FAM135B: variants seen among roughly 807,000 people sequenced by gnomAD.
FAM135B encodes family with sequence similarity 135 member B.
A neutral mutation model predicts 127.7 loss-of-function variants in FAM135B; 43 were observed. The ratio of observed to expected loss-of-function variants is 0.34; its 90% CI spans 0.26 to 0.43. The LOEUF (loss-of-function observed/expected upper bound fraction) is 0.43, where lower values mean the gene tolerates loss of function less well. FAM135B is among the 20% of genes least tolerant of loss of function. The pLI, the probability that FAM135B is intolerant of heterozygous loss-of-function variation, is 1.00. For synonymous variants in FAM135B, 670 were observed against 665.1 expected (o/e 1.01, Z -0.11); for missense variants, 1,558 against 1,725.6 (o/e 0.90, Z 1.72).
chr8:138,355,120 G>A (rs943231705), intron 2 of FAM135B, among the ~76,000 whole-genome samples: 1 of 152,004 alleles, frequency 6.6e-6, no homozygotes. Context: ...CACTGTTGGT[G>A]GGACTGTAAG....
intron 4 of FAM135B, among the ~76,000 whole-genome samples, chr8:138,265,354 T>C (rs534196030): frequency 2.0e-5 from 3 of 152,262 alleles, no homozygotes; most frequent in East Asian, 1.9e-4. Flanking sequence ...GGGTCCCACA[T>C]AGAGCCCTGC....
At chr8:138,161,462 G>C (rs991770096) in intron 12 of FAM135B, among the ~76,000 whole-genome samples, 1 of 151,852 alleles carries the variant, frequency 6.6e-6, no homozygotes, top group Non-Finnish European at 1.5e-5. Context: ...TGAAATAGTC[G>C]TGTGACATAT....
intron 3 of FAM135B, among the ~76,000 whole-genome samples, chr8:138,302,140 A>G (rs1470914523): frequency 6.6e-6 from 1 of 151,484 alleles, no homozygotes; most frequent in Non-Finnish European, 1.5e-5. Flanking sequence ...AAGTGTTATT[A>G]TTATTATTAT....
At chr8:138,448,454 T>C (rs1836316960) in intron 1 of FAM135B, among the ~76,000 whole-genome samples, 1 of 152,178 alleles carries the variant, frequency 6.6e-6, no homozygotes, top group Non-Finnish European at 1.5e-5. Flanking sequence ...GCTCACCAGA[T>C]TAGATCATAA....
At chr8:138,237,162 T>C (rs979369732) in intron 7 of FAM135B, among the ~76,000 whole-genome samples, 13 of 147,884 alleles carry the variant, frequency 8.8e-5, no homozygotes, top group Non-Finnish European at 1.3e-4. Flanking sequence ...TTTTTTTTTT[T>C]TTTTTTTTTT....
At position 138,497,077 on chromosome 8, in the gene FAM135B, T is replaced by TGGGCTGGCGCCTCCC. The variant is rs1414433032; in HGVS notation, c.-441_-427dup. Among the ~76,000 whole-genome samples, 1 of 151,620 alleles carries TGGGCTGGCGCCTCCC rather than the reference T, an allele frequency of 6.6e-6. No individual in the cohort carries two copies. The highest frequency in any genetic ancestry group is 1.9e-4 in the East Asian group (1 of 5,136). ...GACCGACCGGCTGCGCCCGCGCCGCTGGGCTGGCGCCTCCCGGGCTGCGCT... is the reference window on the plus strand; with the variant it reads ...GACCGACCGGCTGCGCCCGCGCCGCTGGGCTGGCGCCTCCCGGGCTGGCGCCTCCCGGGCTGCGCT... On this transcript the variant is annotated 5_prime_UTR_variant, in exon 1 of 20. Coordinates refer to ENST00000395297, the MANE Select transcript of FAM135B (RefSeq NM_015912.4).
intron 1 of FAM135B, among the ~76,000 whole-genome samples, chr8:138,491,262 G>T (rs1587563514): frequency 6.6e-6 from 1 of 151,828 alleles, no homozygotes; most frequent in East Asian, 1.9e-4. Context: ...AGACTTTAAA[G>T]AATGGGGTGG....
At chr8:138,359,691 A>T (rs114733959) in intron 2 of FAM135B, among the ~76,000 whole-genome samples, 2,304 of 152,324 alleles carry the variant, frequency 0.015, 52 homozygotes, top group African/African-American at 0.052. Context: ...AGAACCAGAC[A>T]AATCAATTAA....
At position 138,188,102 on chromosome 8, in the gene FAM135B, G is replaced by A. The variant is rs144756897; in HGVS notation, c.873+7156C>T. Among the ~76,000 whole-genome samples, 785 of 152,306 alleles carry A rather than the reference G, an allele frequency of 5.2e-3. 5 individuals carry two copies. Among genetic ancestry groups the A allele is most frequent in the Middle Eastern group, 0.024 (7 of 294 alleles). On this transcript the variant is annotated intron_variant, in intron 9 of 19. Transcript: ENST00000395297. ...TCAACTGCTAGGAGGAGCTCTACAG[G>A]TGAGAGGTCTCTGCACTTGGGTTCC...
At chr8:138,240,994 A>C (rs1820720046) in intron 7 of FAM135B, among the ~76,000 whole-genome samples, 1 of 152,180 alleles carries the variant, frequency 6.6e-6, no homozygotes, top group Non-Finnish European at 1.5e-5. Flanking sequence ...GAGGGCCAGC[A>C]CTGGCTCTGA....
chr8:138,300,722 T>C (rs1172494893), intron 3 of FAM135B, among the ~76,000 whole-genome samples: 2 of 151,270 alleles, frequency 1.3e-5, no homozygotes, highest in African/African-American at 4.9e-5. Flanking sequence ...TTCAATATTT[T>C]CTTCCCGTGC....
chr8:138,186,083 C>A (rs1245518026), intron 9 of FAM135B, among the ~76,000 whole-genome samples: 1 of 152,128 alleles, frequency 6.6e-6, no homozygotes. Flanking sequence ...TGACACCCCC[C>A]ACTCCTTCAG....
At chr8:138,251,253 C>T (rs923627652) in intron 5 of FAM135B, among the ~76,000 whole-genome samples, 12 of 152,170 alleles carry the variant, frequency 7.9e-5, no homozygotes, top group African/African-American at 2.7e-4. Context: ...TGGTGACATG[C>T]TCCACTGTCA....
At chr8:138,497,354 C>G (rs1325937915), upstream of FAM135B, among the ~76,000 whole-genome samples, 1 of 150,588 alleles carries the variant, frequency 6.6e-6, no homozygotes, top group Non-Finnish European at 1.5e-5. Flanking sequence ...GCGGCCAAAC[C>G]CCGCCCGCTC....
intron 7 of FAM135B, among the ~76,000 whole-genome samples, chr8:138,211,488 T>G (rs138207608): frequency 1.3e-5 from 2 of 152,190 alleles, no homozygotes; most frequent in African/African-American, 2.4e-5. Context: ...TCAACAACCA[T>G]GTTACATTCA....
In FAM135B at chr8:138,152,271, C is replaced by A. The variant is rs2130763065; in HGVS notation, c.2204G>T (p.Ser735Ile). 1 of 1,614,084 alleles carries A rather than the reference C, an allele frequency of 6.2e-7. No individual in the cohort carries two copies. The highest frequency in any genetic ancestry group is 8.5e-7 in the Non-Finnish European group (1 of 1,180,036). Residue 735 changes from serine to isoleucine, a missense_variant, in exon 13 of 20, where the codon AGT becomes ATT. Coordinates refer to ENST00000395297, the MANE Select transcript of FAM135B (RefSeq NM_015912.4). Reference protein sequence around the residue: ...RNSLEGGHTESNTSLPSGIQA... With the variant: ...RNSLEGGHTEINTSLPSGIQA... Reference sequence around the variant, plus strand: ...GATGCCGCTTGGCAAACTTGTGTTACTTTCTGTGTGTCCACCCTCTAGGGA... The same window carrying A: ...GATGCCGCTTGGCAAACTTGTGTTAATTTCTGTGTGTCCACCCTCTAGGGA...
chr8:138,218,805 G>GAGAGAGA (rs1563784019), intron 7 of FAM135B, among the ~76,000 whole-genome samples: 26 of 16,920 alleles, frequency 1.5e-3, no homozygotes, highest in African/African-American at 3.3e-3. Context: ...AGAGAGAGAG[G>GAGAGAGA]GAGAGAAAGA....
intron 3 of FAM135B, among the ~76,000 whole-genome samples, chr8:138,301,564 T>C (rs1337384300): frequency 6.6e-6 from 1 of 152,182 alleles, no homozygotes; most frequent in Non-Finnish European, 1.5e-5. Context: ...TCTTCAGATG[T>C]GGCTTTTCAT....
intron 2 of FAM135B, among the ~76,000 whole-genome samples, chr8:138,349,860 T>C (rs1829662540): frequency 6.6e-6 from 1 of 152,186 alleles, no homozygotes. Context: ...ATCCCGGACA[T>C]ACCATTCACC....
Sources: allele counts gnomAD v4.1 joint callset (sites outside exome capture counted in the v4.1 genomes callset), GRCh38; gene constraint gnomAD v4.1.1; transcripts MANE v1.5; gene names NCBI Gene and HGNC (gene_info 2026-07-23, HGNC 2026-07-21).